Variants in KIAA0513 observed in about 807,000 individuals in gnomAD.
KIAA0513 encodes the protein KIAA0513, also known as uncharacterized protein KIAA0513.
Under a neutral mutation model 56.5 loss-of-function variants are expected in KIAA0513, and 39 were observed. That is an observed-to-expected ratio of 0.69 (90% CI 0.53 to 0.90). KIAA0513 has a LOEUF of 0.90. Among genes scored for constraint, KIAA0513 ranks in the 40% least tolerant of loss-of-function variants. The pLI, the probability that KIAA0513 is intolerant of heterozygous loss-of-function variation, is 0.00. For synonymous variants in KIAA0513, 268 were observed against 215.6 expected, an observed-to-expected ratio of 1.24 and a Z score of -2.13; for missense variants, 591 against 535.2, an observed-to-expected ratio of 1.10 and a Z score of -1.03.
intron 1 of KIAA0513, among the ~76,000 whole-genome samples, chr16:85,042,771 T>A (rs1210943302): frequency 6.6e-6 from 1 of 152,202 alleles, no homozygotes; most frequent in Non-Finnish European, 1.5e-5. Context: ...AGCAGTGCCG[T>A]GCACAGAGGC....
At chr16:85,038,078 A>G (rs1284088186) in intron 1 of KIAA0513, among the ~76,000 whole-genome samples, 3 of 152,186 alleles carry the variant, frequency 2.0e-5, no homozygotes, top group Non-Finnish European at 2.9e-5. Flanking sequence ...TTGGCCTGCA[A>G]GTCCCTGCTT....
chr16:85,084,734 T>G (rs1044226059), intron 10 of KIAA0513, among the ~76,000 whole-genome samples: 1 of 150,756 alleles, frequency 6.6e-6, no homozygotes, highest in Non-Finnish European at 1.5e-5. Context: ...CGGCCTAATT[T>G]TTGTATTTTT....
intron 2 of KIAA0513, among the ~76,000 whole-genome samples, chr16:85,070,672 TCC>T (rs1343736735): frequency 6.6e-6 from 1 of 152,206 alleles, no homozygotes; most frequent in Non-Finnish European, 1.5e-5. Context: ...AGAGCGAGAC[TCC>T]GTCTCAAAAA....
At chr16:85,057,637 T>C (rs58278635) in intron 1 of KIAA0513, among the ~76,000 whole-genome samples, 12,881 of 152,174 alleles carry the variant, frequency 0.085, 1,758 homozygotes, top group African/African-American at 0.28. Flanking sequence ...CCAGGGAACT[T>C]GTGTTGGTGG....
In KIAA0513 at chr16:85,088,317, A is replaced by G. The variant is rs749865349; in HGVS notation, c.1228A>G (p.Thr410Ala). 2.5e-6 allele frequency: 4 copies of G among 1,610,818 alleles called. No individual in the cohort carries two copies. In the Admixed American group the frequency reaches 5.0e-5, roughly 20 times the overall value. Reference protein sequence around the residue: ...LLSDHIEQMATE With the variant: ...LLSDHIEQMAAE The stretch of plus-strand genomic sequence containing the variant: ...TAGTGACCACATTGAGCAAATGGCC[A>G]CTGAGTAGGCCCCAGAGGTCGCACT... Residue 410 changes from threonine to alanine, a missense_variant, in exon 13 of 13, where the codon ACT becomes GCT. Transcript: ENST00000683363.
intron 1 of KIAA0513, among the ~76,000 whole-genome samples, chr16:85,038,041 C>G (rs1237963768): frequency 6.6e-6 from 1 of 152,218 alleles, no homozygotes. Context: ...TCTAGTTGCT[C>G]CTGGGATGTA....
intron 8 of KIAA0513, 37 bp downstream of exon 8, chr16:85,079,040 C>G (rs1006732528): frequency 6.2e-7 from 1 of 1,613,884 alleles, no homozygotes; most frequent in African/African-American, 1.3e-5. Context: ...CACCCTCTTA[C>G]TGACGGGGCC....
Position 85,040,954 on chromosome 16 carries a change from A to G in KIAA0513, c.-173+13096A>G, listed in dbSNP as rs899997963. 4.6e-5 allele frequency among the ~76,000 whole-genome samples: 7 copies of G among 152,236 alleles called. 1 individual carries two copies. The highest frequency in any genetic ancestry group is 1.7e-4 in the African/African-American group (7 of 41,462). On this transcript the variant is annotated intron_variant, in intron 1 of 12. Coordinates refer to ENST00000683363, the MANE Select transcript of KIAA0513 (RefSeq NM_001388359.1). ...GCTCACATGCAAGTAAACATCTGCC[A>G]ACTCCACCATTTCCAGGCTCCTCAA...
Position 85,071,765 on chromosome 16 carries a change from CTTTTT to C in KIAA0513, c.330-7_330-3del, listed in dbSNP as rs546709644. On this transcript the variant is annotated splice_polypyrimidine_tract_variant and intron_variant, in intron 2 of 12. Transcript: ENST00000683363. Reference sequence around the variant, plus strand: ...GGGTTTTTTTTTTTTTTCCTCTGCTCTTTTTTTTTTTTTTTAGGGAGGACTTGGAT... The same window carrying C: ...GGGTTTTTTTTTTTTTTCCTCTGCTCTTTTTTTTTTAGGGAGGACTTGGAT... The C allele has an allele frequency of 6.6e-6, 8 of 1,206,586 alleles. No individual in the cohort carries two copies. Among genetic ancestry groups the C allele is most frequent in the Admixed American group, 5.3e-5 (2 of 37,762 alleles). The allele number at this position is 1,206,586 out of a possible 1,614,324, so 74.7% of individuals were successfully genotyped here.
intron 8 of KIAA0513, among the ~76,000 whole-genome samples, chr16:85,080,738 A>G (rs993873416): frequency 1.3e-5 from 2 of 152,266 alleles, no homozygotes; most frequent in African/African-American, 4.8e-5. Flanking sequence ...GGTTGCAGTG[A>G]GCCGAGATTG....
chr16:85,085,896 C>G (rs963905823), intron 10 of KIAA0513, among the ~76,000 whole-genome samples: 1 of 152,242 alleles, frequency 6.6e-6, no homozygotes, highest in African/African-American at 2.4e-5. Flanking sequence ...TTTGTTCTCA[C>G]GCCTGGGTGC....
intron 1 of KIAA0513, among the ~76,000 whole-genome samples, chr16:85,043,331 T>C (rs1484343562): frequency 6.6e-6 from 1 of 150,676 alleles, no homozygotes; most frequent in African/African-American, 2.4e-5. Flanking sequence ...CCGTCTATGG[T>C]GCACACCGAT....
At chr16:85,040,129 C>T (rs562365025) in intron 1 of KIAA0513, among the ~76,000 whole-genome samples, 8 of 152,174 alleles carry the variant, frequency 5.3e-5, no homozygotes, top group African/African-American at 1.4e-4. Context: ...CCACCGTGCC[C>T]GGCCAGAGAA....
Position 85,071,871 on chromosome 16 carries a change from G to T in KIAA0513, c.418G>T (p.Val140Leu), listed in dbSNP as rs781228614. Residue 140 changes from valine (V) to leucine (L), a missense_variant, in exon 3 of 13, where the codon GTG becomes TTG. Transcript: ENST00000683363. ...AGGCCGGGAGTGGTTTGCTCGATAC[G>T]TGAGTGCCCAGGTAAGGGCGAGGTG... ...GKGREWFARYVSAQRCNSKCV... is the reference protein window; with the variant it reads ...GKGREWFARYLSAQRCNSKCV... 6.2e-7 allele frequency: 1 copy of T among 1,609,576 alleles called. No individual in the cohort carries two copies. Among genetic ancestry groups the T allele is most frequent in the Non-Finnish European group, 8.5e-7 (1 of 1,176,868 alleles).
In KIAA0513 at chr16:85,089,223, A is replaced by G. The variant is rs2073843933; in HGVS notation, c.*898A>G. ...GCCACTAGACAACCACCCTTTCTGA[A>G]AGCAAACAGTGCTGCTCTTTATTCC... On this transcript the variant is annotated 3_prime_UTR_variant, in exon 13 of 13. Transcript: ENST00000683363. The surrounding 1 kb of genome is among the most constrained non-coding windows in gnomAD (Gnocchi z 4.2). The G allele has an allele frequency of 6.6e-6, 1 of 152,284 alleles. No homozygotes were observed. Among genetic ancestry groups the G allele is most frequent in the African/African-American group, 2.4e-5 (1 of 41,468 alleles). The allele number at this position is 152,284 out of a possible 1,614,324, so 9.4% of individuals were successfully genotyped here. A position where few individuals can be genotyped will look rare whatever the true frequency, so the allele number is the denominator to read the frequency against.
intron 6 of KIAA0513, among the ~76,000 whole-genome samples, chr16:85,077,978 G>C (rs1033763496): frequency 6.6e-6 from 1 of 152,158 alleles, no homozygotes; most frequent in African/African-American, 2.4e-5. Context: ...GTCTTGAGTC[G>C]CAGGAGAAAA....
At chr16:85,055,279 C>G (rs1393857716) in intron 1 of KIAA0513, among the ~76,000 whole-genome samples, 2 of 152,068 alleles carry the variant, frequency 1.3e-5, no homozygotes, top group Non-Finnish European at 1.5e-5. Context: ...AAAGGAGTGT[C>G]CACTCTTGTC....
intron 1 of KIAA0513, among the ~76,000 whole-genome samples, chr16:85,035,053 G>A (rs984321127): frequency 5.3e-5 from 8 of 151,450 alleles, no homozygotes; most frequent in African/African-American, 1.9e-4. Flanking sequence ...AGGCCGAGCC[G>A]TCAGGTACCC....
chr16:85,074,192 C>G (rs2073621444), intron 4 of KIAA0513, among the ~76,000 whole-genome samples: 1 of 152,004 alleles, frequency 6.6e-6, no homozygotes. Flanking sequence ...CCAGGCTGGT[C>G]TCGAACTCCT....
Sources: allele counts gnomAD v4.1 joint callset (sites outside exome capture counted in the v4.1 genomes callset), GRCh38; gene constraint gnomAD v4.1.1; non-coding constraint Gnocchi (gnomAD v3.1); transcripts MANE v1.5; gene names NCBI Gene and HGNC (gene_info 2026-07-23, HGNC 2026-07-21).